VPS13D: variants seen among roughly 807,000 people sequenced by gnomAD.
VPS13D encodes vacuolar protein sorting 13 homolog D.
VPS13D carries 187 observed loss-of-function variants against 461.9 expected under a neutral mutation model. The observed-to-expected ratio is 0.40, with a 90% CI of 0.36 to 0.46. The LOEUF (loss-of-function observed/expected upper bound fraction) is 0.46, where lower values mean the gene tolerates loss of function less well. VPS13D is among the 20% of genes least tolerant of loss of function. The pLI, the probability that VPS13D is intolerant of heterozygous loss-of-function variation, is 0.60. For missense variants in VPS13D, 4,711 were observed against 5,364.9 expected (o/e 0.88, Z 3.81); for synonymous variants, 1,951 against 1,986.3 (o/e 0.98, Z 0.47).
At chr1:12,361,249 A>T in intron 50 of VPS13D, among the ~76,000 whole-genome samples, 1 of 152,074 alleles carries the variant, frequency 6.6e-6, no homozygotes, top group African/African-American at 2.4e-5. Flanking sequence ...TATTATTTCT[A>T]TGATAAATAT....
rs192129957 is a variant in VPS13D, at chr1:12,386,355, C to T, written c.11634+21C>T. ...TACAGGTAAGGGGGAAGTTCCAAAG[C>T]TGTTAGTCACCTTGTTTTCATGCTG... is the stretch of plus-strand genomic sequence containing the variant. On this transcript the variant is annotated intron_variant, in intron 60 of 69. Transcript: ENST00000620676. 4.2e-3 allele frequency: 6,605 copies of T among 1,571,890 alleles called. 16 individuals carry two copies. Among genetic ancestry groups the T allele is most frequent in the Non-Finnish European group, 4.7e-3 (5,512 of 1,160,664 alleles).
chr1:12,465,033 T>TGA (rs1336665494), intron 67 of VPS13D: 1 of 152,196 alleles, frequency 6.6e-6, no homozygotes, highest in Non-Finnish European at 1.5e-5. Context: ...CCAAGCCATG[T>TGA]GAGAGTGCCC....
intron 50 of VPS13D, among the ~76,000 whole-genome samples, chr1:12,360,600 T>C (rs1643933176): frequency 6.6e-6 from 1 of 152,232 alleles, no homozygotes; most frequent in Non-Finnish European, 1.5e-5. Context: ...TTATTAGATA[T>C]CACCTAACTA....
Position 12,256,924 on chromosome 1 carries a change from T to C in VPS13D, c.841-63T>C, listed in dbSNP as rs544569658. ...GTGAATTGTTCTTGTTAGATATAGGTCTTAACTGAGTAAAAGAAACAAACC... is the reference window on the plus strand; with the variant it reads ...GTGAATTGTTCTTGTTAGATATAGGCCTTAACTGAGTAAAAGAAACAAACC... On this transcript the variant is annotated intron_variant, in intron 8 of 69. Coordinates refer to ENST00000620676, the MANE Select transcript of VPS13D (RefSeq NM_015378.4). The C allele has an allele frequency of 5.8e-5, 90 of 1,549,752 alleles. No homozygotes were observed. The African/African-American group carries it at 1.1e-3, about 19-fold the overall frequency.
intron 47 of VPS13D, 62 bp from the exon 48 acceptor site, chr1:12,355,837 G>A: frequency 7.0e-7 from 1 of 1,432,646 alleles, no homozygotes; most frequent in Non-Finnish European, 9.2e-7. Flanking sequence ...ATTTACTTTT[G>A]CTGTGAGCTA....
rs572861572 is a variant in VPS13D at position 12,323,892 on chromosome 1, C to T, written c.7990+112C>T. ...TAGAGAGCTGAGTGTGTTTGGAGGACGCTTTATGTGTCTTCTCTGGACTGC... is the reference window on the plus strand; with the variant it reads ...TAGAGAGCTGAGTGTGTTTGGAGGATGCTTTATGTGTCTTCTCTGGACTGC... On this transcript the variant is annotated intron_variant, in intron 35 of 69. Coordinates refer to ENST00000620676, the MANE Select transcript of VPS13D (RefSeq NM_015378.4). The T allele has an allele frequency of 3.3e-4, 359 of 1,082,154 alleles. 6 individuals carry two copies. In the South Asian group the frequency reaches 4.2e-3, roughly 13 times the overall value. The allele number at this position is 1,082,154 out of a possible 1,614,324, so 67.0% of individuals were successfully genotyped here. A position where few individuals can be genotyped will look rare whatever the true frequency, so the allele number is the denominator to read the frequency against.
At position 12,283,367 on chromosome 1, in the gene VPS13D, C is replaced by T. The variant is rs765007239; in HGVS notation, c.5265C>T (p.Asp1755=). The T allele has an allele frequency of 3.7e-6, 6 of 1,614,160 alleles. No individual in the cohort carries two copies. In the Middle Eastern group the frequency reaches 4.9e-4, roughly 133 times the overall value. Residue 1755 remains aspartate (D), a synonymous_variant, in exon 21 of 70, where the codon GAC becomes GAT. Coordinates refer to ENST00000620676, the MANE Select transcript of VPS13D (RefSeq NM_015378.4). ...ASRKKQKEVQ[D]KDYPLTPPPS... is the part of the protein sequence containing the mutation. ...GGAAAAAGCAAAAGGAAGTCCAAGACAAGGACTATCCCTTGACCCCACCTC... is the reference window on the plus strand; with the variant it reads ...GGAAAAAGCAAAAGGAAGTCCAAGATAAGGACTATCCCTTGACCCCACCTC...
chr1:12,504,845 A>T (rs1646083668), intron 68 of VPS13D, among the ~76,000 whole-genome samples: 1 of 151,882 alleles, frequency 6.6e-6, no homozygotes, highest in South Asian at 2.1e-4. Flanking sequence ...CATGTCGGCC[A>T]CTCTGGCCTG....
chr1:12,327,939 C>A, intron 36 of VPS13D, 85 bp downstream of exon 36: 2 of 1,305,772 alleles, frequency 1.5e-6, no homozygotes, highest in Non-Finnish European at 1.1e-6. Flanking sequence ...TTTTGTCATT[C>A]ATACTCTATT....
At chr1:12,294,914 A>AT (rs1181509264) in intron 24 of VPS13D, among the ~76,000 whole-genome samples, 1 of 150,958 alleles carries the variant, frequency 6.6e-6, no homozygotes, top group South Asian at 2.1e-4. Flanking sequence ...ACAACGTGTT[A>AT]TTTTTCCTTT....
chr1:12,268,983 AAAG>A, intron 16 of VPS13D, 107 bp downstream of exon 16: 1 of 1,310,986 alleles, frequency 7.6e-7, no homozygotes, highest in Non-Finnish European at 1.0e-6. Flanking sequence ...TAGTGACAAA[AAAG>A]GCCTGCAGAG....
At chr1:12,432,151 T>C (rs1316706111) in intron 65 of VPS13D, among the ~76,000 whole-genome samples, 2 of 152,250 alleles carry the variant, frequency 1.3e-5, no homozygotes, top group East Asian at 3.9e-4. Flanking sequence ...CCCAGCACTT[T>C]GGGAGGCTGA....
chr1:12,333,328 A>G lies in VPS13D; in HGVS notation c.8390A>G (p.Lys2797Arg), dbSNP rs1333772185. 5 of 1,614,180 alleles carry G rather than the reference A, an allele frequency of 3.1e-6. No individual in the cohort carries two copies. The East Asian group carries it at 1.1e-4, about 36-fold the overall frequency. ...CGACTGAAGCTAGAAGCCAAGGCCA[A>G]ACCTCGTTTGGATATCAATATCACT... Reference protein sequence around the residue: ...PPRLKLEAKAKPRLDINITSV... With the variant: ...PPRLKLEAKARPRLDINITSV... Residue 2797 changes from lysine (K) to arginine (R), a missense_variant, in exon 38 of 70, where the codon AAA (lysine) becomes AGA (arginine). By Grantham distance (26) the Lys-to-Arg change is conservative. Around this residue, in one of 3 missense-constraint regions of VPS13D, gnomAD observed 4,411 missense variants for 4,937.8 expected, o/e 0.89. Coordinates refer to ENST00000620676, the MANE Select transcript of VPS13D (RefSeq NM_015378.4).
intron 16 of VPS13D, 29 bp from the exon 17 acceptor site, chr1:12,270,965 G>C: frequency 6.2e-7 from 1 of 1,606,718 alleles, no homozygotes; most frequent in Non-Finnish European, 8.5e-7. Flanking sequence ...TGAAAATTCT[G>C]ACTCTGCTGT....
chr1:12,472,099 G>A (rs1206149762), intron 67 of VPS13D, among the ~76,000 whole-genome samples: 1 of 152,110 alleles, frequency 6.6e-6, no homozygotes, highest in Admixed American at 6.5e-5. Flanking sequence ...TTCTATAGTA[G>A]TACTATAGCA....
At chr1:12,243,876 T>C (rs1264337925) in intron 3 of VPS13D, among the ~76,000 whole-genome samples, 1 of 152,122 alleles carries the variant, frequency 6.6e-6, no homozygotes, top group Non-Finnish European at 1.5e-5. Context: ...AGACAATGAC[T>C]AATGAACAAG....
chr1:12,348,051 T>C (rs1429219487), intron 44 of VPS13D, among the ~76,000 whole-genome samples: 1 of 152,262 alleles, frequency 6.6e-6, no homozygotes, highest in Admixed American at 6.5e-5. Context: ...ACATTGGTTT[T>C]TGTGTAGACA....
intron 47 of VPS13D, among the ~76,000 whole-genome samples, chr1:12,354,493 T>C (rs768273412): frequency 6.6e-6 from 1 of 152,090 alleles, no homozygotes; most frequent in Non-Finnish European, 1.5e-5. Context: ...ATGTTCACGC[T>C]ACTGCCCACC....
chr1:12,400,128 C>T, intron 60 of VPS13D, 53 bp from the exon 61 acceptor site: 1 of 1,589,718 alleles, frequency 6.3e-7, no homozygotes, highest in Non-Finnish European at 8.6e-7. Context: ...AAAATGAAAA[C>T]TGAGCCACTG....
Sources: allele counts gnomAD v4.1 joint callset (sites outside exome capture counted in the v4.1 genomes callset), GRCh38; gene constraint gnomAD v4.1.1; regional missense constraint gnomAD v4.1.1; transcripts MANE v1.5; gene names NCBI Gene and HGNC (gene_info 2026-07-23, HGNC 2026-07-21).